The following RALB variants were observed in gnomAD, a reference collection of about 807,000 sequenced individuals.
The protein encoded by RALB is ras-related protein Ral-B.
RALB carries 16 observed loss-of-function variants against 21.3 expected under a neutral mutation model. That is an observed-to-expected ratio of 0.75 (90% CI 0.51 to 1.14). The LOEUF (loss-of-function observed/expected upper bound fraction) is 1.14. Among genes scored for constraint, RALB ranks in the 50% most tolerant of loss-of-function variants. The pLI, the probability that RALB is intolerant of heterozygous loss-of-function variation, is 0.00. For synonymous variants in RALB, 93 were observed against 96.1 expected (o/e 0.97, Z 0.19); for missense variants, 161 against 256.2 (o/e 0.63, Z 2.54).
At chr2:120,290,365 G>C (rs1355428049) in intron 4 of RALB, among the ~76,000 whole-genome samples, 1 of 152,200 alleles carries the variant, frequency 6.6e-6, no homozygotes. Context: ...TGGGCTGGAG[G>C]GATGGACGTC....
chr2:120,252,091 A>G (rs1458891907), upstream of RALB, among the ~76,000 whole-genome samples: 1 of 152,092 alleles, frequency 6.6e-6, no homozygotes, highest in East Asian at 1.9e-4. Context: ...TGTGACTCTC[A>G]TGAGGTCTGC....
At chr2:120,257,005 C>T (rs1475652276) in intron 1 of RALB, among the ~76,000 whole-genome samples, 1 of 152,156 alleles carries the variant, frequency 6.6e-6, no homozygotes, top group Admixed American at 6.5e-5. Flanking sequence ...CTTTTATGTT[C>T]TTTCTTCCGG....
At chr2:120,259,651 C>G (rs1266755332) in intron 1 of RALB, among the ~76,000 whole-genome samples, 1 of 152,272 alleles carries the variant, frequency 6.6e-6, no homozygotes, top group African/African-American at 2.4e-5. Flanking sequence ...AAAGACTCTC[C>G]ACGTCCCCAC....
At chr2:120,275,442 G>A (rs563049049) in intron 1 of RALB, among the ~76,000 whole-genome samples, 1 of 152,294 alleles carries the variant, frequency 6.6e-6, no homozygotes, top group African/African-American at 2.4e-5. Context: ...CTAAGCCTTG[G>A]CTGCTCATGA....
chr2:120,291,229 T>C (rs1182508280), intron 4 of RALB, among the ~76,000 whole-genome samples: 1 of 152,262 alleles, frequency 6.6e-6, no homozygotes, highest in Non-Finnish European at 1.5e-5. Context: ...AGGATAGATA[T>C]ACATATAGGA....
intron 1 of RALB, among the ~76,000 whole-genome samples, chr2:120,244,757 TCA>T (rs1688944286): frequency 6.6e-6 from 1 of 152,162 alleles, no homozygotes; most frequent in Non-Finnish European, 1.5e-5. Flanking sequence ...TGAAAAGAAT[TCA>T]CAGATATGAC....
At chr2:120,251,098 G>A (rs193100131), upstream of RALB, among the ~76,000 whole-genome samples, 29 of 152,350 alleles carry the variant, frequency 1.9e-4, no homozygotes, top group Admixed American at 1.8e-3. Context: ...TAGGGGATGG[G>A]GGGCAGGTGG....
intron 1 of RALB, among the ~76,000 whole-genome samples, chr2:120,269,767 A>G (rs1689616007): frequency 6.6e-6 from 1 of 152,236 alleles, no homozygotes; most frequent in African/African-American, 2.4e-5. Context: ...AATTTTAAAG[A>G]TTATTATAGC....
intron 1 of RALB, among the ~76,000 whole-genome samples, chr2:120,240,332 T>A (rs1688874093): frequency 6.6e-6 from 1 of 151,722 alleles, no homozygotes; most frequent in African/African-American, 2.4e-5. Flanking sequence ...TCACCCAGGC[T>A]GGAGTGCAGT....
intron 1 of RALB, among the ~76,000 whole-genome samples, chr2:120,274,387 G>A (rs1220064031): frequency 2.0e-5 from 3 of 151,994 alleles, no homozygotes; most frequent in Admixed American, 1.3e-4. Flanking sequence ...TGGAAAGAAC[G>A]CCTGGTGTAG....
At chr2:120,269,824 C>T (rs560781637) in intron 1 of RALB, among the ~76,000 whole-genome samples, 2 of 152,254 alleles carry the variant, frequency 1.3e-5, no homozygotes, top group South Asian at 4.1e-4. Context: ...TATCCTTATA[C>T]TTTTGTAGAA....
intron 2 of RALB, among the ~76,000 whole-genome samples, chr2:120,283,085 C>G (rs942924137): frequency 1.3e-5 from 2 of 151,902 alleles, no homozygotes; most frequent in Non-Finnish European, 2.9e-5. Context: ...TTCAGTGGTG[C>G]TCTTCTGGTG....
upstream of RALB, among the ~76,000 whole-genome samples, chr2:120,251,116 A>G (rs546173715): frequency 2.1e-4 from 32 of 152,226 alleles, no homozygotes; most frequent in Non-Finnish European, 4.3e-4. Context: ...TGGGAACAGT[A>G]GAATCCTGGC....
rs376849446 is a variant in RALB at position 120,273,321 on chromosome 2, A to G, written c.-47-5297A>G. Among the ~76,000 whole-genome samples, 17 of 151,250 alleles carry G rather than the reference A, an allele frequency of 1.1e-4. No individual in the cohort carries two copies. The East Asian group carries it at 2.7e-3, about 24-fold the overall frequency. On this transcript the variant is annotated intron_variant, in intron 1 of 4. Transcript: ENST00000272519. ...GTTCACCTCTGGATGGTGGCGAGGA[A>G]CCACAGGACTGGTTGAGTCATAAGT... is the stretch of plus-strand genomic sequence containing the variant.
intron 1 of RALB, among the ~76,000 whole-genome samples, chr2:120,245,979 T>G (rs1483079179): frequency 6.6e-6 from 1 of 152,224 alleles, no homozygotes; most frequent in Non-Finnish European, 1.5e-5. Context: ...TTTGGTGGTC[T>G]TACCTCCTGG....
intron 1 of RALB, among the ~76,000 whole-genome samples, chr2:120,257,588 AC>A (rs1689231102): frequency 6.6e-6 from 1 of 152,202 alleles, no homozygotes. Context: ...TTAAATTGCA[AC>A]CTCAGAAGAC....
At chr2:120,264,010 G>A (rs747010484) in intron 1 of RALB, among the ~76,000 whole-genome samples, 70 of 150,524 alleles carry the variant, frequency 4.7e-4, no homozygotes, top group African/African-American at 1.2e-3. Context: ...CACCACGCCC[G>A]GCTAATTTTT....
intron 1 of RALB, among the ~76,000 whole-genome samples, chr2:120,256,142 C>G (rs1173210991): frequency 6.6e-6 from 1 of 152,204 alleles, no homozygotes; most frequent in Non-Finnish European, 1.5e-5. Flanking sequence ...CTCATGGTCT[C>G]TCCTGAGGTT....
chr2:120,267,646 G>T (rs1426182404), intron 1 of RALB, among the ~76,000 whole-genome samples: 1 of 152,178 alleles, frequency 6.6e-6, no homozygotes, highest in African/African-American at 2.4e-5. Flanking sequence ...CATAGTGTAT[G>T]TCCCTTCCAG....
Sources: allele counts gnomAD v4.1 joint callset (sites outside exome capture counted in the v4.1 genomes callset), GRCh38; gene constraint gnomAD v4.1.1; transcripts MANE v1.5; gene names NCBI Gene and HGNC (gene_info 2026-07-23, HGNC 2026-07-21).